The following CUL7 variants were observed in gnomAD, a reference collection of about 807,000 sequenced individuals.
The protein encoded by CUL7 is cullin-7.
CUL7 carries 96 observed loss-of-function variants against 177.7 expected under a neutral mutation model. That is an observed-to-expected ratio of 0.54 (90% CI 0.46 to 0.64). The LOEUF (loss-of-function observed/expected upper bound fraction) is 0.64. Ranked by LOEUF, CUL7 falls within the 30% of genes least tolerant of loss-of-function variation. The pLI is 0.00. For missense variants in CUL7, 1,893 were observed against 2,187.9 expected, an observed-to-expected ratio of 0.87 and a Z score of 2.69; for synonymous variants, 824 against 890.2, an observed-to-expected ratio of 0.93 and a Z score of 1.32.
At chr6:43,047,563 T>C (rs1764023891) in intron 9 of CUL7, among the ~76,000 whole-genome samples, 1 of 152,140 alleles carries the variant, frequency 6.6e-6, no homozygotes, top group Admixed American at 6.5e-5. Context: ...CAGCCAAAAA[T>C]ATAGCCACAC....
At position 43,053,709 on chromosome 6, in the gene CUL7, A is replaced by C. The variant is rs1404198250; in HGVS notation, c.-96T>G. 1 of 1,436,920 alleles carries C rather than the reference A, an allele frequency of 7.0e-7. No homozygotes were observed. Among genetic ancestry groups the C allele is most frequent in the Non-Finnish European group, 9.1e-7 (1 of 1,099,472 alleles). The allele number at this position is 1,436,920 out of a possible 1,614,324, so 89.0% of individuals were successfully genotyped here. On this transcript the variant is annotated 5_prime_UTR_variant, in exon 1 of 26. Transcript: ENST00000265348. This position sits in a 1 kb window ranked among gnomAD's most constrained non-coding sequence, Gnocchi z 4.1. The stretch of plus-strand genomic sequence containing the variant: ...AGACGCTGGCGGCGACTTGGGCCCC[A>C]CCTGGGCCCCGCGAGGGGGTCGAGA...
At position 43,037,630 on chromosome 6, in the gene CUL7, T is replaced by C; in HGVS notation, c.*58A>G. 2 of 1,451,900 alleles carry C rather than the reference T, an allele frequency of 1.4e-6. No homozygotes were observed. The highest frequency in any genetic ancestry group is 1.9e-6 in the Non-Finnish European group (2 of 1,057,764). 89.9% of individuals were successfully genotyped at this position (1,451,900 alleles called of 1,614,324 possible). On this transcript the variant is annotated 3_prime_UTR_variant, in exon 26 of 26. Transcript: ENST00000265348. ...ACACACACGTCATATAATCAAACTCTTGGGTTTTATTTCTGTAAAAGCTCC... is the reference window on the plus strand; with the variant it reads ...ACACACACGTCATATAATCAAACTCCTGGGTTTTATTTCTGTAAAAGCTCC...
At chr6:43,041,659 AG>A (rs1346819258) in intron 19 of CUL7, among the ~76,000 whole-genome samples, 1 of 141,112 alleles carries the variant, frequency 7.1e-6, no homozygotes, top group Admixed American at 7.4e-5. Flanking sequence ...AGAGGAAAAG[AG>A]GGGAGGGAAG....
At chr6:43,038,195 C>T in intron 25 of CUL7, 72 bp downstream of exon 25, 1 of 1,560,990 alleles carries the variant, frequency 6.4e-7, no homozygotes, top group Non-Finnish European at 8.7e-7. Flanking sequence ...ACACGTGCAC[C>T]CACCTTGTCC....
Position 43,051,258 on chromosome 6 carries a change from G to T in CUL7, c.943C>A (p.Gln315Lys), listed in dbSNP as rs752024364. Residue 315 changes from glutamine (Q) to lysine (K), a missense_variant, in exon 4 of 26, where the codon CAG becomes AAG. Gln to Lys is a moderately conservative substitution (Grantham distance 53). Around this residue, in one of 5 missense-constraint regions of CUL7, gnomAD observed 653 missense variants for 725.2 expected, o/e 0.90. Transcript: ENST00000265348. This position sits in a 1 kb window ranked among gnomAD's most constrained non-coding sequence, Gnocchi z 5.0. ...GAGCTCCTTGGTCTGTCTGAGGCCT[G>T]GTCCCAGCGCATGGCTTGCACCAGC... ...SELVQAMRWDQASDRPRSSAR... is the reference protein window; with the variant it reads ...SELVQAMRWDKASDRPRSSAR... 5 of 1,612,930 alleles carry T rather than the reference G, an allele frequency of 3.1e-6. No homozygotes were observed. In the African/African-American group the frequency reaches 6.7e-5, roughly 22 times the overall value.
At chr6:43,041,669 AGGGAAGGGAAAGGAAG>A (rs1379456937) in intron 19 of CUL7, among the ~76,000 whole-genome samples, 11 of 146,636 alleles carry the variant, frequency 7.5e-5, no homozygotes, top group African/African-American at 2.5e-4. Context: ...AGGGGAGGGA[AGGGAAGGGAAAGGAAG>A]GGGAAGGGAA....
Position 43,041,021 on chromosome 6 carries a change from C to T in CUL7, c.3700G>A (p.Gly1234Ser), listed in dbSNP as rs778556381. The change falls in exon 20 of 26, where the codon GGT becomes AGT. Residue 1234 changes from glycine (G) to serine (S), a missense_variant. By Grantham distance (56) the Gly-to-Ser change is moderately conservative. Coordinates refer to ENST00000265348, the MANE Select transcript of CUL7 (RefSeq NM_014780.5). The part of the protein sequence containing the change: ...IDQQIQGSRI[G>S]GAQEMERLAQ... ...AGCCTCTCCATTTCCTGGGCTCCACCGATCCGGCTGCCCTGGATCTGCTGG... is the reference window on the plus strand; with the variant it reads ...AGCCTCTCCATTTCCTGGGCTCCACTGATCCGGCTGCCCTGGATCTGCTGG... 9.3e-6 allele frequency: 15 copies of T among 1,613,882 alleles called. 1 individual carries two copies. The highest frequency in any genetic ancestry group is 8.8e-5 in the South Asian group (8 of 90,988).
chr6:43,044,308 G>A (rs565787148), intron 16 of CUL7, among the ~76,000 whole-genome samples: 4 of 151,996 alleles, frequency 2.6e-5, no homozygotes, highest in African/African-American at 9.7e-5. Context: ...GGCAACAAGA[G>A]CGAAACTCTG....
At position 43,037,905 on chromosome 6, in the gene CUL7, T is replaced by C; in HGVS notation, c.4880A>G (p.His1627Arg). ...TCTCAGCGTGCCCTTGCCCAGGAGG[T>C]GTAGGATGCAGGAGAGGACGTCAGT... ...SSTDVLSCIL[H>R]LLGKGTLRRH... Residue 1627 changes from histidine (H) to arginine (R), a missense_variant, in exon 26 of 26, where the codon CAC (histidine) becomes CGC (arginine). By Grantham distance (29) the His-to-Arg change is conservative. Coordinates refer to ENST00000265348, the MANE Select transcript of CUL7 (RefSeq NM_014780.5). 1 of 1,612,314 alleles carries C rather than the reference T, an allele frequency of 6.2e-7. No individual in the cohort carries two copies. The highest frequency in any genetic ancestry group is 1.1e-5 in the South Asian group (1 of 91,016).
In CUL7 at chr6:43,040,206, G is replaced by A. The variant is rs1401206861; in HGVS notation, c.4244C>T (p.Pro1415Leu). The part of the protein sequence containing the change: ...CHTLNPRTCL[P>L]SYLRGTLNRY... Reference sequence around the variant, plus strand: ...GTTCAAAGTGCCCCTCAGGTAGGAGGGCAGGCAGGTTCTGGGGTTCAGTGT... The same window carrying A: ...GTTCAAAGTGCCCCTCAGGTAGGAGAGCAGGCAGGTTCTGGGGTTCAGTGT... The change falls in exon 22 of 26, where the codon CCC becomes CTC. Residue 1415 changes from proline to leucine, a missense_variant. By Grantham distance (98) the Pro-to-Leu change is moderately conservative. Transcript: ENST00000265348. This position sits in a 1 kb window ranked among gnomAD's most constrained non-coding sequence, Gnocchi z 4.2. 6.2e-7 allele frequency: 1 copy of A among 1,614,142 alleles called. No homozygotes were observed. The highest frequency in any genetic ancestry group is 1.7e-5 in the Admixed American group (1 of 60,024).
In CUL7 at chr6:43,051,696, G is replaced by A. The variant is rs1764426382; in HGVS notation, c.648C>T (p.Asp216=). The change falls in exon 3 of 26, where the codon GAC becomes GAT. Residue 216 remains aspartate (D), a synonymous_variant. Transcript: ENST00000265348. This position sits in a 1 kb window ranked among gnomAD's most constrained non-coding sequence, Gnocchi z 5.0. Reference sequence around the variant, plus strand: ...ACAGTGCTAGCAGAGCACAGCGGCTGTCAAAATCCAGGTGTTTCTCAATGG... The same window carrying A: ...ACAGTGCTAGCAGAGCACAGCGGCTATCAAAATCCAGGTGTTTCTCAATGG... The part of the protein sequence containing the change: ...QEAIEKHLDF[D]SRCALLALFA... The A allele has an allele frequency of 1.9e-6, 3 of 1,614,082 alleles. No homozygotes were observed. The highest frequency in any genetic ancestry group is 2.5e-6 in the Non-Finnish European group (3 of 1,180,042).
intron 10 of CUL7, 71 bp downstream of exon 10, chr6:43,046,809 C>A: frequency 8.2e-7 from 1 of 1,218,688 alleles, no homozygotes; most frequent in Non-Finnish European, 1.2e-6. Context: ...GGAACACAGC[C>A]CTTACCCGCC....
chr6:43,050,472 G>T lies in CUL7; in HGVS notation c.1234-74C>A. ...TGACTGGCTGTGGCCCAGTACTGAG[G>T]ACTATAGCCCTCAGGGTGACCACCT... On this transcript the variant is annotated intron_variant, in intron 4 of 25. Coordinates refer to ENST00000265348, the MANE Select transcript of CUL7 (RefSeq NM_014780.5). The surrounding 1 kb of genome is among the most constrained non-coding windows in gnomAD (Gnocchi z 4.1). 6.3e-7 allele frequency: 1 copy of T among 1,580,926 alleles called. No homozygotes were observed. The highest frequency in any genetic ancestry group is 8.6e-7 in the Non-Finnish European group (1 of 1,157,366).
chr6:43,051,807 C>T lies in CUL7; in HGVS notation c.581-44G>A. 8 of 1,608,588 alleles carry T rather than the reference C, an allele frequency of 5.0e-6. No individual in the cohort carries two copies. The highest frequency in any genetic ancestry group is 6.8e-6 in the Non-Finnish European group (8 of 1,175,272). On this transcript the variant is annotated intron_variant, in intron 2 of 25. Transcript: ENST00000265348. The surrounding 1 kb of genome is among the most constrained non-coding windows in gnomAD (Gnocchi z 5.0). ...TTGGTAACTTCTCCCTAATCTCACC[C>T]TTCCTAGAAATCTTAGACCCTCTAC...
In CUL7 at chr6:43,043,164, G is replaced by C; in HGVS notation, c.3372C>G (p.Ser1124Arg). 6.2e-7 allele frequency: 1 copy of C among 1,613,942 alleles called. No homozygotes were observed. The highest frequency in any genetic ancestry group is 8.5e-7 in the Non-Finnish European group (1 of 1,179,942). ...ATPRPKGRNRSHDWSSLATRG... is the reference protein window; with the variant it reads ...ATPRPKGRNRRHDWSSLATRG... ...GGGTAGCCAAGGAGCTCCAGTCGTG[G>C]CTTCTGTTTCTGCCTTCTGTAGAGA... Residue 1124 changes from serine to arginine, a missense_variant, in exon 18 of 26, where the codon AGC (serine) becomes AGG (arginine). Ser to Arg is a moderately radical substitution (Grantham distance 110). This residue lies in a region of CUL7 where 973 missense variants were observed against 1,140.9 expected (regional missense o/e 0.85). Coordinates refer to ENST00000265348, the MANE Select transcript of CUL7 (RefSeq NM_014780.5). This position sits in a 1 kb window ranked among gnomAD's most constrained non-coding sequence, Gnocchi z 4.2.
chr6:43,053,531 A>T lies in CUL7; in HGVS notation c.-9+91T>A. On this transcript the variant is annotated intron_variant, in intron 1 of 25. Coordinates refer to ENST00000265348, the MANE Select transcript of CUL7 (RefSeq NM_014780.5). This position sits in a 1 kb window ranked among gnomAD's most constrained non-coding sequence, Gnocchi z 4.1. The stretch of plus-strand genomic sequence containing the variant: ...ATAAGCTAGAACCCCGAGGCACGGT[A>T]GGATGGGGACCGAGGTTGGGTGAGC... 1 of 860,720 alleles carries T rather than the reference A, an allele frequency of 1.2e-6. No homozygotes were observed. The highest frequency in any genetic ancestry group is 1.6e-6 in the Non-Finnish European group (1 of 630,500). 53.3% of individuals were successfully genotyped at this position (860,720 alleles called of 1,614,324 possible). A position where few individuals can be genotyped will look rare whatever the true frequency, so the allele number is the denominator to read the frequency against.
intron 12 of CUL7, 54 bp downstream of exon 12, chr6:43,046,182 G>T (rs1302946536): frequency 8.7e-6 from 14 of 1,613,446 alleles, no homozygotes; most frequent in Non-Finnish European, 3.4e-6. Flanking sequence ...ACAAACACAG[G>T]GGCGTCACAG....
chr6:43,051,471 G>A lies in CUL7; in HGVS notation c.733-3C>T. On this transcript the variant is annotated splice_region_variant and splice_polypyrimidine_tract_variant and intron_variant, in intron 3 of 25. Coordinates refer to ENST00000265348, the MANE Select transcript of CUL7 (RefSeq NM_014780.5). The surrounding 1 kb of genome is among the most constrained non-coding windows in gnomAD (Gnocchi z 5.0). ...GAGAAGAGCACCCTTCCTGGGACCT[G>A]TGGGATACAACCTTTGGCCTATATC... The A allele has an allele frequency of 6.2e-7, 1 of 1,613,998 alleles. No homozygotes were observed. The highest frequency in any genetic ancestry group is 8.5e-7 in the Non-Finnish European group (1 of 1,180,012).
rs201247875 is a variant in CUL7, at chr6:43,050,211, C to A, written c.1372+49G>T. The A allele has an allele frequency of 1.6e-4, 256 of 1,614,164 alleles. 1 individual carries two copies. In the East Asian group the frequency reaches 4.8e-3, roughly 30 times the overall value. On this transcript the variant is annotated intron_variant, in intron 5 of 25. Transcript: ENST00000265348. This position sits in a 1 kb window ranked among gnomAD's most constrained non-coding sequence, Gnocchi z 4.1. ...GGATGTCACTAGCAACTCAGCAGGA[C>A]CACCATTCCTCTGCTCAGAGCTGAC...
Sources: gnomAD v4.1 joint callset for allele counts (sites outside exome capture counted in the v4.1 genomes callset) on GRCh38, gnomAD v4.1.1 for gene constraint, gnomAD v4.1.1 regional missense constraint, Gnocchi (gnomAD v3.1) non-coding constraint, MANE v1.5 for transcripts, NCBI Gene and HGNC (gene_info 2026-07-23, HGNC 2026-07-21) for gene names.